COL25A1: variants seen among roughly 807,000 people sequenced by gnomAD.
COL25A1 encodes collagen type XXV alpha 1 chain, also known as collagen alpha-1(XXV) chain.
Under a neutral mutation model 128.4 loss-of-function variants are expected in COL25A1, and 103 were observed. That is an observed-to-expected ratio of 0.80 (90% CI 0.68 to 0.94). The LOEUF (loss-of-function observed/expected upper bound fraction) is 0.94, where lower values mean the gene tolerates loss of function less well. COL25A1 is among the 40% of genes least tolerant of loss of function. The pLI, the probability that COL25A1 is intolerant of heterozygous loss-of-function variation, is 0.00. For synonymous variants in COL25A1, 279 were observed against 277.2 expected, an observed-to-expected ratio of 1.01 and a Z score of -0.06; for missense variants, 745 against 840.0, an observed-to-expected ratio of 0.89 and a Z score of 1.40.
chr4:109,166,326 T>A (rs1773069219), intron 3 of COL25A1, among the ~76,000 whole-genome samples: 1 of 152,214 alleles, frequency 6.6e-6, no homozygotes, highest in South Asian at 2.1e-4. Flanking sequence ...CTTAAAGCTT[T>A]TCCTGTAAAT....
chr4:109,050,046 C>A (rs984742680), intron 4 of COL25A1, 89 bp downstream of exon 4: 2 of 1,084,580 alleles, frequency 1.8e-6, no homozygotes, highest in African/African-American at 3.2e-5. Flanking sequence ...TAACCTCCAA[C>A]AAGACAATAT....
At chr4:109,091,295 G>A (rs997896868) in intron 3 of COL25A1, among the ~76,000 whole-genome samples, 7 of 152,088 alleles carry the variant, frequency 4.6e-5, no homozygotes, top group African/African-American at 1.2e-4. Flanking sequence ...TTGTGCTCAC[G>A]AATACCCTCT....
chr4:108,973,379 A>G (rs1204783610), intron 8 of COL25A1, among the ~76,000 whole-genome samples: 1 of 152,232 alleles, frequency 6.6e-6, no homozygotes, highest in Non-Finnish European at 1.5e-5. Context: ...GGGAAAGTAT[A>G]ATAAATCATA....
At chr4:108,840,242 C>CAAAAA (rs34039825) in intron 31 of COL25A1, among the ~76,000 whole-genome samples, 2 of 95,374 alleles carry the variant, frequency 2.1e-5, no homozygotes, top group African/African-American at 8.5e-5. Flanking sequence ...AACGCCATCT[C>CAAAAA]AAAAAAAAAA....
At chr4:109,072,007 T>G (rs74739522) in intron 3 of COL25A1, among the ~76,000 whole-genome samples, 17,540 of 152,134 alleles carry the variant, frequency 0.12, 1,281 homozygotes, top group African/African-American at 0.21. Flanking sequence ...ACATTTTGGC[T>G]ACTATTAACA....
chr4:109,272,711 C>G (rs1415447319), intron 3 of COL25A1, among the ~76,000 whole-genome samples: 1 of 152,050 alleles, frequency 6.6e-6, no homozygotes, highest in Non-Finnish European at 1.5e-5. Context: ...GGATCAAGGC[C>G]TAATAGAGCT....
At chr4:108,900,784 T>TATGGAC (rs372652071) in intron 14 of COL25A1, among the ~76,000 whole-genome samples, 26 of 152,218 alleles carry the variant, frequency 1.7e-4, no homozygotes, top group African/African-American at 6.3e-4. Flanking sequence ...TTTTAGGCAA[T>TATGGAC]ATGGACATGA....
At chr4:108,819,185 G>T in intron 36 of COL25A1, 67 bp downstream of exon 36, 1 of 1,240,652 alleles carries the variant, frequency 8.1e-7, no homozygotes, top group South Asian at 1.4e-5. Context: ...ACTTTACACT[G>T]ATAGAGATGA....
rs1753827027 is a variant in COL25A1, at chr4:108,988,116, C to G, written c.439-13557G>C. On this transcript the variant is annotated intron_variant, in intron 6 of 37. Coordinates refer to ENST00000399132, the MANE Select transcript of COL25A1 (RefSeq NM_198721.4). ...TGGCAAATGACTTAACCTCTCTGAG[C>G]CTCAGTTTCCACATCTGTAACCTAG... 1.3e-5 allele frequency among the ~76,000 whole-genome samples: 2 copies of G among 152,188 alleles called. 1 individual carries two copies. Among genetic ancestry groups the G allele is most frequent in the South Asian group, 4.1e-4 (2 of 4,830 alleles).
At chr4:109,061,785 A>G (rs779055721) in intron 3 of COL25A1, among the ~76,000 whole-genome samples, 1 of 152,232 alleles carries the variant, frequency 6.6e-6, no homozygotes, top group Non-Finnish European at 1.5e-5. Flanking sequence ...TCATACTGAC[A>G]GGCAAATTCC....
chr4:109,264,833 G>A (rs576520055), intron 3 of COL25A1, among the ~76,000 whole-genome samples: 1 of 152,034 alleles, frequency 6.6e-6, no homozygotes. Context: ...CCACCAATAA[G>A]GACCATGTGG....
Position 109,300,656 on chromosome 4 carries a change from T to C in COL25A1, c.298-4A>G. 6.2e-7 allele frequency: 1 copy of C among 1,602,532 alleles called. No individual in the cohort carries two copies. Among genetic ancestry groups the C allele is most frequent in the Non-Finnish European group, 8.6e-7 (1 of 1,169,518 alleles). The stretch of plus-strand genomic sequence containing the variant: ...TAGCCATATGTTCATAGGATTTCTG[T>C]AGGAAAAGAAGAGTTATTAATAATC... On this transcript the variant is annotated splice_polypyrimidine_tract_variant and splice_region_variant and intron_variant, in intron 2 of 37. Coordinates refer to ENST00000399132, the MANE Select transcript of COL25A1 (RefSeq NM_198721.4).
intron 37 of COL25A1, among the ~76,000 whole-genome samples, chr4:108,815,374 AT>A (rs1283881828): frequency 8.9e-6 from 1 of 111,832 alleles, no homozygotes; most frequent in East Asian, 2.8e-4. Context: ...TAAAAATATA[AT>A]TTAAAAAATA....
At chr4:109,022,988 C>G (rs1001569430) in intron 5 of COL25A1, among the ~76,000 whole-genome samples, 20 of 152,178 alleles carry the variant, frequency 1.3e-4, no homozygotes, top group African/African-American at 4.8e-4. Context: ...GCACCATACA[C>G]TTCCTGTTTA....
intron 3 of COL25A1, among the ~76,000 whole-genome samples, chr4:109,283,046 A>C (rs1445487354): frequency 6.6e-6 from 1 of 152,264 alleles, no homozygotes; most frequent in Non-Finnish European, 1.5e-5. Flanking sequence ...AATGAACATA[A>C]GAACAAGCTG....
chr4:109,148,308 T>C (rs879599972), intron 3 of COL25A1, among the ~76,000 whole-genome samples: 4 of 152,170 alleles, frequency 2.6e-5, no homozygotes, highest in Non-Finnish European at 5.9e-5. Context: ...AATAACAATA[T>C]TTTAAAAATA....
chr4:108,963,402 T>C (rs1750945049), intron 8 of COL25A1, among the ~76,000 whole-genome samples: 1 of 152,214 alleles, frequency 6.6e-6, no homozygotes, highest in Non-Finnish European at 1.5e-5. Flanking sequence ...TTCATGGGTA[T>C]TACCAGCTAA....
chr4:109,090,262 C>T (rs72670343), intron 3 of COL25A1, among the ~76,000 whole-genome samples: 4,182 of 152,206 alleles, frequency 0.027, 87 homozygotes, highest in Non-Finnish European at 0.04. Context: ...CTTTAGCAAA[C>T]CTTTGCTAAT....
chr4:109,225,674 A>G (rs1778752672), intron 3 of COL25A1, among the ~76,000 whole-genome samples: 1 of 152,182 alleles, frequency 6.6e-6, no homozygotes, highest in South Asian at 2.1e-4. Flanking sequence ...ACTATTCACA[A>G]TAGCAGAGAT....
Sources: gnomAD v4.1 joint callset for allele counts (sites outside exome capture counted in the v4.1 genomes callset) on GRCh38, gnomAD v4.1.1 for gene constraint, MANE v1.5 for transcripts, NCBI Gene and HGNC (gene_info 2026-07-23, HGNC 2026-07-21) for gene names.